SORCS3: variants seen among roughly 807,000 people sequenced by gnomAD.
SORCS3 encodes the protein sortilin related VPS10 domain containing receptor 3.
Under a neutral mutation model 146.3 loss-of-function variants are expected in SORCS3, and 57 were observed. That is an observed-to-expected ratio of 0.39 (90% CI 0.31 to 0.49). SORCS3 has a LOEUF of 0.49. SORCS3 is among the 20% of genes least tolerant of loss of function. The probability of loss-of-function intolerance (pLI) is 0.92; values close to 1 mark genes in which losing one functional copy is unlikely to be tolerated. For missense variants in SORCS3, 1,341 were observed against 1,575.5 expected (o/e 0.85, Z 2.52); for synonymous variants, 653 against 618.5 (o/e 1.06, Z -0.83).
intron 2 of SORCS3, among the ~76,000 whole-genome samples, chr10:104,889,002 T>C (rs956507667): frequency 6.6e-6 from 1 of 152,238 alleles, no homozygotes; most frequent in African/African-American, 2.4e-5. Flanking sequence ...AGGATTGTTA[T>C]GTCTTCTGGA....
chr10:105,112,943 A>G (rs1196396795), intron 7 of SORCS3, among the ~76,000 whole-genome samples: 3 of 152,192 alleles, frequency 2.0e-5, no homozygotes, highest in Admixed American at 6.5e-5. Flanking sequence ...GAGACATATA[A>G]CTGAGAAAGA....
intron 16 of SORCS3, among the ~76,000 whole-genome samples, chr10:105,206,210 A>C (rs1250678486): frequency 6.6e-6 from 1 of 152,222 alleles, no homozygotes; most frequent in East Asian, 1.9e-4. Context: ...TAAAATATAC[A>C]AAAGAGTTAT....
At chr10:104,725,642 C>A (rs1303028751) in intron 1 of SORCS3, among the ~76,000 whole-genome samples, 1 of 152,192 alleles carries the variant, frequency 6.6e-6, no homozygotes, top group Non-Finnish European at 1.5e-5. Flanking sequence ...AGCTCCCTGG[C>A]TGCTTTGTTT....
intron 1 of SORCS3, among the ~76,000 whole-genome samples, chr10:104,814,682 C>T (rs1272761663): frequency 6.6e-6 from 1 of 152,142 alleles, no homozygotes. Flanking sequence ...ATCTAACTGA[C>T]TAAATGTGAA....
At chr10:104,899,111 T>A (rs564269907) in intron 2 of SORCS3, among the ~76,000 whole-genome samples, 1 of 152,206 alleles carries the variant, frequency 6.6e-6, no homozygotes, top group African/African-American at 2.4e-5. Flanking sequence ...TGTTGATTGA[T>A]TTCTGGGCCA....
intron 1 of SORCS3, among the ~76,000 whole-genome samples, chr10:104,657,858 C>G (rs947326337): frequency 4.6e-5 from 7 of 152,058 alleles, no homozygotes; most frequent in Admixed American, 1.3e-4. Context: ...TATATTAGTT[C>G]CGATAAAATA....
chr10:105,168,544 C>G (rs17118675), intron 13 of SORCS3, among the ~76,000 whole-genome samples: 13,866 of 152,124 alleles, frequency 0.091, 776 homozygotes, highest in Admixed American at 0.16. Flanking sequence ...ACATGGGCAG[C>G]AAGGTGGACC....
At chr10:104,752,043 T>C (rs1323780789) in intron 1 of SORCS3, among the ~76,000 whole-genome samples, 1 of 143,520 alleles carries the variant, frequency 7.0e-6, no homozygotes, top group Non-Finnish European at 1.5e-5. Context: ...TCTTAAAACT[T>C]TTTTTTTTTG....
At chr10:104,903,065 A>G (rs2018868484) in intron 2 of SORCS3, among the ~76,000 whole-genome samples, 2 of 152,186 alleles carry the variant, frequency 1.3e-5, no homozygotes, top group Non-Finnish European at 2.9e-5. Flanking sequence ...ATTGAAGTAG[A>G]GTGCATAGAA....
In SORCS3 at chr10:104,877,242, T is replaced by A. The variant is rs77609843; in HGVS notation, c.695+34383T>A. On this transcript the variant is annotated intron_variant, in intron 2 of 26. Coordinates refer to ENST00000369701, the MANE Select transcript of SORCS3 (RefSeq NM_014978.3). ...TCCAGTCACCATTATCCAGCATGCC[T>A]TCTGGTTATCCACATTATTATTTCG... 4.0e-3 allele frequency among the ~76,000 whole-genome samples: 603 copies of A among 152,288 alleles called. 3 individuals carry two copies. Among genetic ancestry groups the A allele is most frequent in the African/African-American group, 0.013 (552 of 41,560 alleles).
chr10:104,935,096 G>A (rs990431451), intron 3 of SORCS3, among the ~76,000 whole-genome samples: 15 of 152,158 alleles, frequency 9.9e-5, no homozygotes, highest in African/African-American at 3.1e-4. Context: ...CAGAGACAGG[G>A]CCAATCATCG....
chr10:105,208,865 C>T (rs2056617720), intron 16 of SORCS3, among the ~76,000 whole-genome samples: 1 of 152,146 alleles, frequency 6.6e-6, no homozygotes, highest in African/African-American at 2.4e-5. Flanking sequence ...AGACTGAGAT[C>T]TCCAGTAGTT....
chr10:105,015,663 C>T (rs1316178824), intron 4 of SORCS3, among the ~76,000 whole-genome samples: 1 of 152,102 alleles, frequency 6.6e-6, no homozygotes, highest in East Asian at 1.9e-4. Flanking sequence ...CTGGCAAATA[C>T]TCACCTTTTG....
chr10:104,641,747 G>T lies in SORCS3; in HGVS notation c.420G>T (p.Gln140His). The change falls in exon 1 of 27, where the codon CAG becomes CAT. Residue 140 changes from glutamine to histidine, a missense_variant. Physicochemically the swap from Gln to His is conservative, Grantham distance 24 (BLOSUM62 0). Transcript: ENST00000369701. The surrounding 1 kb of genome is among the most constrained non-coding windows in gnomAD (Gnocchi z 6.4). ...RSRRAQPPIT[Q>H]ERGDAWATAP... ...GCCGGGCGCAGCCCCCAATCACCCAGGAACGCGGGGACGCCTGGGCCACTG... is the reference window on the plus strand; with the variant it reads ...GCCGGGCGCAGCCCCCAATCACCCATGAACGCGGGGACGCCTGGGCCACTG... 6.5e-7 allele frequency: 1 copy of T among 1,545,994 alleles called. No homozygotes were observed.
chr10:105,169,342 A>C (rs952056813), intron 13 of SORCS3, among the ~76,000 whole-genome samples: 9 of 152,124 alleles, frequency 5.9e-5, no homozygotes, highest in African/African-American at 2.2e-4. Flanking sequence ...ATGTGTGACT[A>C]GAAGTGAAAG....
intron 3 of SORCS3, among the ~76,000 whole-genome samples, chr10:104,972,835 C>T (rs1210165104): frequency 6.6e-6 from 1 of 152,146 alleles, no homozygotes; most frequent in East Asian, 1.9e-4. Context: ...GTGGGTTTGT[C>T]ATAGATAGCT....
In SORCS3 at chr10:104,645,678, G is replaced by T. The variant is rs2015487174; in HGVS notation, c.627+3724G>T. Among the ~76,000 whole-genome samples, 3 of 152,106 alleles carry T rather than the reference G, an allele frequency of 2.0e-5. No individual in the cohort carries two copies. The South Asian group carries it at 6.2e-4, about 31-fold the overall frequency. On this transcript the variant is annotated intron_variant, in intron 1 of 26. Coordinates refer to ENST00000369701, the MANE Select transcript of SORCS3 (RefSeq NM_014978.3). Reference sequence around the variant, plus strand: ...AAATGGGGAGATGCTGATATTTCTAGGCCCTCCCAGATCACCCTGCCCTGA... The same window carrying T: ...AAATGGGGAGATGCTGATATTTCTATGCCCTCCCAGATCACCCTGCCCTGA...
At chr10:104,912,021 A>G (rs2018974443) in intron 2 of SORCS3, among the ~76,000 whole-genome samples, 1 of 152,204 alleles carries the variant, frequency 6.6e-6, no homozygotes, top group South Asian at 2.1e-4. Context: ...CTCTGATAAA[A>G]AATTCCCACT....
intron 4 of SORCS3, among the ~76,000 whole-genome samples, chr10:105,006,797 C>T (rs1190632207): frequency 6.6e-6 from 1 of 152,184 alleles, no homozygotes; most frequent in Non-Finnish European, 1.5e-5. Context: ...GAAATGCCTT[C>T]CCCAACCATC....
Sources: allele counts gnomAD v4.1 joint callset (sites outside exome capture counted in the v4.1 genomes callset), GRCh38; gene constraint gnomAD v4.1.1; non-coding constraint Gnocchi (gnomAD v3.1); transcripts MANE v1.5; gene names NCBI Gene and HGNC (gene_info 2026-07-23, HGNC 2026-07-21).